SLC35F2: variants seen among roughly 807,000 people sequenced by gnomAD.
SLC35F2 encodes solute carrier family 35 member F2, also known as queuine/queuosine transporter SLC35F2.
SLC35F2 carries 25 observed loss-of-function variants against 38.1 expected under a neutral mutation model. That is an observed-to-expected ratio of 0.66 (90% confidence interval 0.48 to 0.92). The LOEUF (loss-of-function observed/expected upper bound fraction) is 0.92, where lower values mean the gene tolerates loss of function less well. SLC35F2 is among the 40% of genes least tolerant of loss of function. The pLI is 0.00. For synonymous variants in SLC35F2, 173 were observed against 181.7 expected (o/e 0.95, Z 0.38); for missense variants, 409 against 452.9 (o/e 0.90, Z 0.88).
In SLC35F2 at chr11:107,810,467, T is replaced by C. The variant is rs969904265; in HGVS notation, c.414+1200A>G. 4 of 983,388 alleles carry C rather than the reference T, an allele frequency of 4.1e-6. No individual in the cohort carries two copies. In the South Asian group the frequency reaches 1.4e-4, roughly 35 times the overall value. The allele number at this position is 983,388 out of a possible 1,614,324, so 60.9% of individuals were successfully genotyped here. A position where few individuals can be genotyped will look rare whatever the true frequency, so the allele number is the denominator to read the frequency against. On this transcript the variant is annotated intron_variant, in intron 3 of 7. Transcript: ENST00000525815. ...ATGTAGGTGAGATTATGAGAGTAGA[T>C]GTGACAAGAAAATACCATTTTCTAC...
chr11:107,820,784 C>T (rs192735838), intron 1 of SLC35F2, among the ~76,000 whole-genome samples: 3 of 152,108 alleles, frequency 2.0e-5, no homozygotes, highest in Non-Finnish European at 4.4e-5. Flanking sequence ...AGTGAAATCC[C>T]GTCTCTACTA....
intron 1 of SLC35F2, among the ~76,000 whole-genome samples, chr11:107,828,897 A>T (rs1426576164): frequency 6.6e-6 from 1 of 152,114 alleles, no homozygotes; most frequent in Non-Finnish European, 1.5e-5. Flanking sequence ...ACTTGAGGCC[A>T]GAAGTTCGAG....
intron 1 of SLC35F2, among the ~76,000 whole-genome samples, chr11:107,834,882 G>T (rs488081): frequency 0.53 from 80,812 of 151,950 alleles, 22,585 homozygotes; most frequent in African/African-American, 0.72. Context: ...ATACATTTAA[G>T]TTGGAATTCT....
chr11:107,796,819 C>T (rs1384668379), intron 7 of SLC35F2, among the ~76,000 whole-genome samples: 2 of 152,092 alleles, frequency 1.3e-5, no homozygotes, highest in Admixed American at 1.3e-4. Context: ...CAGGTGTGCA[C>T]CAACATACCC....
chr11:107,800,610 C>T (rs1330336907), intron 7 of SLC35F2, among the ~76,000 whole-genome samples: 1 of 152,002 alleles, frequency 6.6e-6, no homozygotes, highest in Non-Finnish European at 1.5e-5. Context: ...CTCGCTCTGT[C>T]AGCCAGGCTG....
intron 3 of SLC35F2, chr11:107,809,788 G>C (rs1046616732): frequency 8.1e-6 from 8 of 984,944 alleles, no homozygotes; most frequent in Non-Finnish European, 9.6e-6. Flanking sequence ...TCATATTAGA[G>C]GTACAATAGA....
intron 1 of SLC35F2, among the ~76,000 whole-genome samples, chr11:107,819,508 C>A (rs1859636836): frequency 6.6e-6 from 1 of 152,180 alleles, no homozygotes; most frequent in South Asian, 2.1e-4. Flanking sequence ...TCCAGAGTTG[C>A]TATCTCCTTC....
At chr11:107,852,708 C>T (rs1860206658) in intron 1 of SLC35F2, among the ~76,000 whole-genome samples, 1 of 151,660 alleles carries the variant, frequency 6.6e-6, no homozygotes, top group Non-Finnish European at 1.5e-5. Context: ...CCTGTCTCTA[C>T]AAAAAATACA....
rs577444278 is a variant in SLC35F2 at position 107,791,252 on chromosome 11, G to T, written c.*1363C>A. On this transcript the variant is annotated 3_prime_UTR_variant, in exon 8 of 8. Transcript: ENST00000525815. ...CCAGGCATACTCTTTGGTGAGAAAT[G>T]ATTAATTTTATATTTTCATTTTGAT... is the stretch of plus-strand genomic sequence containing the variant. The T allele has an allele frequency of 2.0e-4, 31 of 152,436 alleles. 1 individual carries two copies. The highest frequency in any genetic ancestry group is 6.8e-4 in the African/African-American group (28 of 41,448). 9.4% of individuals were successfully genotyped at this position (152,436 alleles called of 1,614,324 possible).
At chr11:107,822,570 C>G (rs1211826807) in intron 1 of SLC35F2, among the ~76,000 whole-genome samples, 1 of 152,132 alleles carries the variant, frequency 6.6e-6, no homozygotes, top group Non-Finnish European at 1.5e-5. Flanking sequence ...AATACCACAA[C>G]CCTCCATCAC....
At chr11:107,822,008 C>T (rs1219268391) in intron 1 of SLC35F2, among the ~76,000 whole-genome samples, 2 of 152,196 alleles carry the variant, frequency 1.3e-5, no homozygotes, top group Admixed American at 6.5e-5. Context: ...GAGGCCAAGG[C>T]AGGCGGATCA....
chr11:107,819,117 G>A (rs1444532376), intron 1 of SLC35F2, among the ~76,000 whole-genome samples: 1 of 152,172 alleles, frequency 6.6e-6, no homozygotes, highest in African/African-American at 2.4e-5. Context: ...AACTCAGAGT[G>A]TCCTACAAAT....
intron 7 of SLC35F2, among the ~76,000 whole-genome samples, chr11:107,800,201 A>G (rs1224879603): frequency 6.6e-6 from 1 of 151,816 alleles, no homozygotes; most frequent in Admixed American, 6.6e-5. Context: ...CTTTTTTTTA[A>G]TGATGTTACT....
chr11:107,823,037 G>T, intron 1 of SLC35F2: 1 of 458,504 alleles, frequency 2.2e-6, no homozygotes, highest in Non-Finnish European at 2.9e-6. Context: ...CATTTCTTTA[G>T]CTCTTCTTTA....
At chr11:107,795,906 G>T (rs1859209696) in intron 7 of SLC35F2, among the ~76,000 whole-genome samples, 1 of 152,210 alleles carries the variant, frequency 6.6e-6, no homozygotes, top group Non-Finnish European at 1.5e-5. Context: ...GGCTGAGGCG[G>T]GTGGATCACC....
chr11:107,817,527 T>C (rs945350998), intron 1 of SLC35F2, among the ~76,000 whole-genome samples: 10 of 152,202 alleles, frequency 6.6e-5, no homozygotes, highest in Admixed American at 6.5e-4. Flanking sequence ...TGAGTGTTAA[T>C]ATGATGAGAT....
intron 3 of SLC35F2, chr11:107,810,876 G>A (rs1260403579): frequency 1.0e-6 from 1 of 980,760 alleles, no homozygotes; most frequent in Non-Finnish European, 1.2e-6. Context: ...GAACATCTCT[G>A]TATTTTGTAT....
intron 2 of SLC35F2, 38 bp from the exon 3 acceptor site, chr11:107,811,832 C>T (rs573772069): frequency 1.3e-6 from 2 of 1,571,456 alleles, no homozygotes; most frequent in African/African-American, 2.7e-5. Context: ...ATGTTACTTG[C>T]AAATGATACC....
chr11:107,831,543 G>C (rs1442911758), intron 1 of SLC35F2, among the ~76,000 whole-genome samples: 1 of 152,104 alleles, frequency 6.6e-6, no homozygotes, highest in African/African-American at 2.4e-5. Context: ...AATCTTATCT[G>C]GTTGCAAGGC....
Sources: gnomAD v4.1 joint callset for allele counts (sites outside exome capture counted in the v4.1 genomes callset) on GRCh38, gnomAD v4.1.1 for gene constraint, MANE v1.5 for transcripts, NCBI Gene and HGNC (gene_info 2026-07-23, HGNC 2026-07-21) for gene names.